The following NAV3 variants were observed in gnomAD, a reference collection of about 807,000 sequenced individuals.
NAV3 encodes neuron navigator 3.
In NAV3, 87 loss-of-function variants were observed where a neutral mutation model predicts 244.7. That is an observed-to-expected ratio of 0.36 (90% CI 0.30 to 0.42). NAV3 has a LOEUF of 0.42. NAV3 is among the 20% of genes least tolerant of loss of function. NAV3 has a pLI of 1.00. For missense variants in NAV3, 2,663 were observed against 2,893.3 expected, an observed-to-expected ratio of 0.92 and a Z score of 1.83; for synonymous variants, 1,126 against 1,042.2, an observed-to-expected ratio of 1.08 and a Z score of -1.55.
intron 24 of NAV3, among the ~76,000 whole-genome samples, chr12:78,170,603 A>G (rs1426636884): frequency 6.6e-6 from 1 of 151,788 alleles, no homozygotes; most frequent in Admixed American, 6.6e-5. Context: ...CACCAGCTTC[A>G]TTTATTCAAC....
At chr12:77,648,948 C>G (rs1872713098) in intron 2 of NAV3, among the ~76,000 whole-genome samples, 1 of 152,030 alleles carries the variant, frequency 6.6e-6, no homozygotes, top group African/African-American at 2.4e-5. Context: ...GGAAATAGGA[C>G]AGTATGAGGA....
intron 3 of NAV3, chr12:77,947,410 A>ATTTTTTTTTTTTTT (rs59956222): frequency 7.0e-6 from 1 of 143,528 alleles, no homozygotes; most frequent in Non-Finnish European, 1.5e-5. Flanking sequence ...CTTTTAAAGG[A>ATTTTTTTTTTTTTT]TTTTTTTTTT....
At chr12:78,145,292 A>C (rs1237959300) in intron 20 of NAV3, among the ~76,000 whole-genome samples, 1 of 152,190 alleles carries the variant, frequency 6.6e-6, no homozygotes, top group Non-Finnish European at 1.5e-5. Flanking sequence ...AAAGGTAGTG[A>C]AAATATAGGG....
intron 15 of NAV3, 33 bp downstream of exon 15, chr12:78,119,978 T>C (rs777860600): frequency 4.5e-6 from 7 of 1,560,102 alleles, no homozygotes; most frequent in Admixed American, 1.8e-5. Flanking sequence ...TGGAAAAATA[T>C]AAAGGATAAA....
chr12:77,687,706 G>A (rs1049762829), intron 2 of NAV3, among the ~76,000 whole-genome samples: 10 of 152,048 alleles, frequency 6.6e-5, no homozygotes, highest in African/African-American at 2.4e-4. Context: ...ATTAGACTAA[G>A]TTCACAAGTA....
At chr12:77,883,724 G>A (rs1254236079) in intron 1 of NAV3, among the ~76,000 whole-genome samples, 2 of 152,132 alleles carry the variant, frequency 1.3e-5, no homozygotes, top group East Asian at 1.9e-4. Context: ...TCATGATAAA[G>A]AGAGTTTTTT....
chr12:78,177,078 C>A, intron 26 of NAV3, 63 bp from the exon 27 acceptor site: 2 of 1,592,482 alleles, frequency 1.3e-6, no homozygotes, highest in Non-Finnish European at 1.7e-6. Context: ...CAAACTAACG[C>A]CCCAAAGCAA....
chr12:77,598,969 AATGTTTG>A (rs1462335799), intron 2 of NAV3, among the ~76,000 whole-genome samples: 1 of 151,952 alleles, frequency 6.6e-6, no homozygotes, highest in East Asian at 1.9e-4. Flanking sequence ...TGCATAACTG[AATGTTTG>A]TATACATTGA....
intron 12 of NAV3, among the ~76,000 whole-genome samples, chr12:78,115,065 A>G (rs1418312128): frequency 1.3e-5 from 2 of 152,194 alleles, no homozygotes; most frequent in African/African-American, 4.8e-5. Context: ...GTAGCTCTTG[A>G]AGTACATATA....
intron 9 of NAV3, among the ~76,000 whole-genome samples, chr12:78,029,825 G>A (rs898765669): frequency 1.3e-5 from 2 of 152,078 alleles, no homozygotes; most frequent in African/African-American, 4.8e-5. Context: ...TTATTGGTAA[G>A]TACTTATGTA....
chr12:78,177,770 TCA>T lies in NAV3; in HGVS notation c.5363+88_5363+89del. On this transcript the variant is annotated intron_variant, in intron 28 of 39. Transcript: ENST00000397909. ...TTGCTTTTGCTTTTTCTAAAATCAC[TCA>T]CATGCATTTCAACAATAAATACCTT... 5.8e-6 allele frequency: 7 copies of T among 1,205,928 alleles called. 1 individual carries two copies. The highest frequency in any genetic ancestry group is 3.8e-4 in the Middle Eastern group (2 of 5,260). 74.7% of individuals were successfully genotyped at this position (1,205,928 alleles called of 1,614,324 possible).
At chr12:77,785,551 C>T (rs1870867534) in intron 2 of NAV3, among the ~76,000 whole-genome samples, 1 of 152,100 alleles carries the variant, frequency 6.6e-6, no homozygotes, top group African/African-American at 2.4e-5. Flanking sequence ...AATTCCAGTA[C>T]TGATAACAAA....
intron 1 of NAV3, among the ~76,000 whole-genome samples, chr12:77,854,609 G>C (rs61937371): frequency 7.7e-6 from 1 of 130,134 alleles, no homozygotes; most frequent in African/African-American, 2.6e-5. Flanking sequence ...GTGTGTGTTT[G>C]TGTGTGTGTG....
chr12:77,645,138 C>T (rs947558434), intron 2 of NAV3, among the ~76,000 whole-genome samples: 1 of 151,984 alleles, frequency 6.6e-6, no homozygotes, highest in African/African-American at 2.4e-5. Flanking sequence ...GGCCATCTAC[C>T]CACAAAGGCC....
At chr12:78,198,486 A>G in intron 35 of NAV3, 119 bp from the exon 36 acceptor site, 3 of 543,320 alleles carry the variant, frequency 5.5e-6, no homozygotes, top group Non-Finnish European at 9.6e-6. Context: ...TTACCCTTTA[A>G]AAGACAAATA....
At chr12:77,598,656 G>A (rs545127074) in intron 2 of NAV3, among the ~76,000 whole-genome samples, 261 of 151,908 alleles carry the variant, frequency 1.7e-3, no homozygotes, top group African/African-American at 5.8e-3. Flanking sequence ...GGATACACCC[G>A]GGAAACCATT....
At chr12:78,157,422 ATG>A (rs1270466355) in intron 22 of NAV3, among the ~76,000 whole-genome samples, 1 of 150,386 alleles carries the variant, frequency 6.6e-6, no homozygotes, top group African/African-American at 2.4e-5. Flanking sequence ...GTAGCTGGGC[ATG>A]TTGGTACATG....
intron 2 of NAV3, among the ~76,000 whole-genome samples, chr12:77,659,313 C>A (rs9739195): frequency 0.24 from 35,328 of 149,738 alleles, 6,505 homozygotes; most frequent in African/African-American, 0.52. Context: ...ATGAACAGAC[C>A]CTTCTCAAAA....
chr12:77,691,531 C>T (rs1299116371), intron 2 of NAV3, among the ~76,000 whole-genome samples: 3 of 150,720 alleles, frequency 2.0e-5, no homozygotes, highest in Non-Finnish European at 4.4e-5. Flanking sequence ...CAATATTATG[C>T]TTTATTTCCA....
Sources: allele counts gnomAD v4.1 joint callset (sites outside exome capture counted in the v4.1 genomes callset), GRCh38; gene constraint gnomAD v4.1.1; transcripts MANE v1.5; gene names NCBI Gene and HGNC (gene_info 2026-07-23, HGNC 2026-07-21).